CAMK1D: variants seen among roughly 807,000 people sequenced by gnomAD.
CAMK1D encodes calcium/calmodulin dependent protein kinase ID, also known as calcium/calmodulin-dependent protein kinase type 1D.
In CAMK1D, 9 loss-of-function variants were observed where a neutral mutation model predicts 47.7. That is an observed-to-expected ratio of 0.19 (90% confidence interval 0.11 to 0.33). The LOEUF (loss-of-function observed/expected upper bound fraction) is 0.33. CAMK1D is among the 10% of genes least tolerant of loss of function. The probability of loss-of-function intolerance (pLI) is 1.00; values close to 1 mark genes in which losing one functional copy is unlikely to be tolerated. For missense variants in CAMK1D, 291 were observed against 488.7 expected, an observed-to-expected ratio of 0.60 and a Z score of 3.81; for synonymous variants, 184 against 184.9, an observed-to-expected ratio of 0.99 and a Z score of 0.04.
intron 3 of CAMK1D, among the ~76,000 whole-genome samples, chr10:12,747,198 A>T (rs2130863095): frequency 6.6e-6 from 1 of 151,902 alleles, no homozygotes; most frequent in East Asian, 1.9e-4. Context: ...AGCCCAGCTA[A>T]TTTTTGTATT....
At chr10:12,469,615 T>A (rs991424986) in intron 1 of CAMK1D, among the ~76,000 whole-genome samples, 21 of 152,238 alleles carry the variant, frequency 1.4e-4, no homozygotes, top group Non-Finnish European at 2.4e-4. Flanking sequence ...CCTGGATAGC[T>A]TATTTCCGGG....
intron 2 of CAMK1D, among the ~76,000 whole-genome samples, chr10:12,663,581 A>T (rs1564475578): frequency 6.6e-6 from 1 of 152,138 alleles, no homozygotes; most frequent in Non-Finnish European, 1.5e-5. Flanking sequence ...CAGCCAGTGC[A>T]TGAGTACCAG....
At chr10:12,362,943 C>CTT (rs397809296) in intron 1 of CAMK1D, among the ~76,000 whole-genome samples, 23,261 of 135,216 alleles carry the variant, frequency 0.17, 2,285 homozygotes, top group Middle Eastern at 0.28. Context: ...CCCGCCCGGC[C>CTT]TTTTTTTTTT....
intron 1 of CAMK1D, among the ~76,000 whole-genome samples, chr10:12,535,337 G>A (rs576598261): frequency 6.6e-6 from 1 of 152,250 alleles, no homozygotes; most frequent in South Asian, 2.1e-4. Flanking sequence ...GTTTTTATTT[G>A]TTCAGTGTTT....
At chr10:12,644,431 T>G (rs542483517) in intron 2 of CAMK1D, among the ~76,000 whole-genome samples, 1 of 152,362 alleles carries the variant, frequency 6.6e-6, no homozygotes, top group African/African-American at 2.4e-5. Context: ...CACAGCGTCT[T>G]AATGTGCCAT....
intron 1 of CAMK1D, among the ~76,000 whole-genome samples, chr10:12,363,466 G>T (rs1479525297): frequency 6.6e-6 from 1 of 151,986 alleles, no homozygotes; most frequent in African/African-American, 2.4e-5. Context: ...CGTTGGCCAG[G>T]CTGGTCTCAA....
rs895708445 is a variant in CAMK1D at position 12,615,596 on chromosome 10, G to A, written c.225-51140G>A. The stretch of plus-strand genomic sequence containing the variant: ...GTGTGCGTGTGTGTAGGTGTGTATT[G>A]TGTTTGCAAGTATGTATACGTATGT... On this transcript the variant is annotated intron_variant, in intron 2 of 10. Coordinates refer to ENST00000619168, the MANE Select transcript of CAMK1D (RefSeq NM_153498.4). Among the ~76,000 whole-genome samples, 35 of 145,024 alleles carry A rather than the reference G, an allele frequency of 2.4e-4. 2 individuals are homozygous for A. The highest frequency in any genetic ancestry group is 8.2e-4 in the African/African-American group (32 of 38,956).
At chr10:12,759,615 A>G (rs1212673819) in intron 3 of CAMK1D, among the ~76,000 whole-genome samples, 1 of 151,720 alleles carries the variant, frequency 6.6e-6, no homozygotes. Context: ...GTTTCTTTTC[A>G]CTCTTGGAAT....
intron 1 of CAMK1D, among the ~76,000 whole-genome samples, chr10:12,360,305 C>T (rs1837619804): frequency 6.6e-6 from 1 of 152,134 alleles, no homozygotes; most frequent in Admixed American, 6.6e-5. Flanking sequence ...TCTTGCCTGC[C>T]TCCCCACACA....
chr10:12,438,230 T>C lies in CAMK1D; in HGVS notation c.92+88320T>C, dbSNP rs187092777. On this transcript the variant is annotated intron_variant, in intron 1 of 10. Coordinates refer to ENST00000619168, the MANE Select transcript of CAMK1D (RefSeq NM_153498.4). The stretch of plus-strand genomic sequence containing the variant: ...AGTGCAATTCAGGTGTCTGAAGTCG[T>C]GGGTCCTTCGCCTTGAGCTTGGGAC... Among the ~76,000 whole-genome samples, 8 of 152,316 alleles carry C rather than the reference T, an allele frequency of 5.3e-5. No homozygotes were observed. The East Asian group carries it at 1.5e-3, about 29-fold the overall frequency.
At position 12,772,484 on chromosome 10, in the gene CAMK1D, C is replaced by T. The variant is rs140114803; in HGVS notation, c.565+2685C>T. Among the ~76,000 whole-genome samples the T allele has an allele frequency of 1.1e-3, 170 of 152,284 alleles. 1 individual carries two copies. Among genetic ancestry groups the T allele is most frequent in the Admixed American group, 1.9e-3 (29 of 15,290 alleles). Reference sequence around the variant, plus strand: ...ACGGCCCCTAGCTACGTACGCATCACGTGCTTCTCATGTTTGGCTGGAAAG... The same window carrying T: ...ACGGCCCCTAGCTACGTACGCATCATGTGCTTCTCATGTTTGGCTGGAAAG... On this transcript the variant is annotated intron_variant, in intron 5 of 10. Coordinates refer to ENST00000619168, the MANE Select transcript of CAMK1D (RefSeq NM_153498.4).
intron 3 of CAMK1D, among the ~76,000 whole-genome samples, chr10:12,751,911 G>GC (rs1332398592): frequency 6.8e-6 from 1 of 147,480 alleles, no homozygotes; most frequent in Non-Finnish European, 1.5e-5. Context: ...GTTTTGCAAG[G>GC]CTGAGCAATA....
intron 1 of CAMK1D, among the ~76,000 whole-genome samples, chr10:12,354,024 G>T (rs1403729498): frequency 6.6e-6 from 1 of 152,160 alleles, no homozygotes; most frequent in Non-Finnish European, 1.5e-5. Context: ...ACTCATAGAA[G>T]TCACTTCTGC....
rs2132007856 is a variant in CAMK1D at position 12,439,271 on chromosome 10, C to A, written c.92+89361C>A. Among the ~76,000 whole-genome samples the A allele has an allele frequency of 2.6e-5, 4 of 152,272 alleles. No individual in the cohort carries two copies. The South Asian group carries it at 8.3e-4, about 32-fold the overall frequency. On this transcript the variant is annotated intron_variant, in intron 1 of 10. Transcript: ENST00000619168. ...GAAAAGGCTGCATACGTCTCAGAGC[C>A]CTGAGCAGTTGTTTGTTATGGTTTA...
intron 1 of CAMK1D, among the ~76,000 whole-genome samples, chr10:12,396,063 A>G (rs1022382709): frequency 2.8e-4 from 43 of 151,980 alleles, no homozygotes; most frequent in African/African-American, 1.0e-3. Context: ...TAGTAGAGAC[A>G]GGGTTTCATC....
intron 3 of CAMK1D, among the ~76,000 whole-genome samples, chr10:12,674,164 C>G (rs1187812795): frequency 1.3e-5 from 2 of 152,164 alleles, no homozygotes; most frequent in East Asian, 3.9e-4. Flanking sequence ...AGGCTGATCT[C>G]AAACCCCTGA....
At chr10:12,358,647 C>G (rs1044262044) in intron 1 of CAMK1D, among the ~76,000 whole-genome samples, 4 of 152,188 alleles carry the variant, frequency 2.6e-5, no homozygotes, top group Admixed American at 1.3e-4. Flanking sequence ...GGCAACGTAA[C>G]ATAACAGAAA....
At chr10:12,465,822 C>G (rs1833573255) in intron 1 of CAMK1D, among the ~76,000 whole-genome samples, 1 of 152,164 alleles carries the variant, frequency 6.6e-6, no homozygotes, top group African/African-American at 2.4e-5. Context: ...GCAAAGTCAT[C>G]TCTTGAGTCA....
rs17152189 is a variant in CAMK1D at position 12,746,405 on chromosome 10, T to G, written c.300-14543T>G. Among the ~76,000 whole-genome samples, 1,048 of 151,652 alleles carry G rather than the reference T, an allele frequency of 6.9e-3. 19 individuals carry two copies. Among genetic ancestry groups the G allele is most frequent in the African/African-American group, 0.024 (989 of 41,178 alleles). ...GTTAGTGAATCTCAAATCTGTCCAC[T>G]TGAGGCTAACACATTTTAGAAAAGC... On this transcript the variant is annotated intron_variant, in intron 3 of 10. Coordinates refer to ENST00000619168, the MANE Select transcript of CAMK1D (RefSeq NM_153498.4).
Sources: allele counts gnomAD v4.1 joint callset (sites outside exome capture counted in the v4.1 genomes callset), GRCh38; gene constraint gnomAD v4.1.1; transcripts MANE v1.5; gene names NCBI Gene and HGNC (gene_info 2026-07-23, HGNC 2026-07-21).